XPO4: variants seen among roughly 807,000 people sequenced by gnomAD.
XPO4 encodes exportin-4.
Under a neutral mutation model 143.0 loss-of-function variants are expected in XPO4, and 39 were observed. The ratio of observed to expected loss-of-function variants is 0.27; its 90% CI spans 0.21 to 0.36. The LOEUF is 0.36. XPO4 is among the 10% of genes least tolerant of loss of function. XPO4 has a pLI of 1.00. For synonymous variants in XPO4, 439 were observed against 474.0 expected (o/e 0.93, Z 0.96); for missense variants, 907 against 1,348.0 (o/e 0.67, Z 5.12).
chr13:20,884,035 C>A (rs542896803), intron 1 of XPO4, among the ~76,000 whole-genome samples: 10 of 151,994 alleles, frequency 6.6e-5, no homozygotes, highest in African/African-American at 2.2e-4. Context: ...TGAAGTGCTG[C>A]GATTACAGGC....
Position 20,859,747 on chromosome 13 carries a change from A to G in XPO4, c.317+2970T>C, listed in dbSNP as rs535201755. The G allele has an allele frequency of 7.7e-4, 447 of 581,384 alleles. 1 individual carries two copies. Among genetic ancestry groups the G allele is most frequent in the African/African-American group, 7.5e-3 (372 of 49,422 alleles). 36.0% of individuals were successfully genotyped at this position (581,384 alleles called of 1,614,324 possible). On this transcript the variant is annotated intron_variant, in intron 3 of 22. Coordinates refer to ENST00000255305, the MANE Select transcript of XPO4 (RefSeq NM_022459.5). ...AGCAGAGATCACGCCACTGCACTCC[A>G]GCCTAGCAACAGAGCAAGGCTCTGT...
At chr13:20,873,914 A>G (rs8001074) in intron 1 of XPO4, among the ~76,000 whole-genome samples, 35,271 of 152,162 alleles carry the variant, frequency 0.23, 5,739 homozygotes, top group East Asian at 0.8. Flanking sequence ...CAGAAGGCTA[A>G]ATACTTTACA....
intron 7 of XPO4, among the ~76,000 whole-genome samples, chr13:20,823,444 A>T (rs1359745471): frequency 6.6e-6 from 1 of 152,218 alleles, no homozygotes; most frequent in Non-Finnish European, 1.5e-5. Context: ...TAAACATTAC[A>T]AAGTTAGTTG....
Position 20,781,279 on chromosome 13 carries a change from T to C in XPO4, c.*2443A>G, listed in dbSNP as rs1239360693. ...TTAATAAACACAGCTAAAGACAAAA[T>C]TGGACAAAATAAAACAAAAGAAAAC... On this transcript the variant is annotated 3_prime_UTR_variant, in exon 23 of 23. Coordinates refer to ENST00000255305, the MANE Select transcript of XPO4 (RefSeq NM_022459.5). The C allele has an allele frequency of 6.6e-6, 1 of 152,246 alleles. No homozygotes were observed. The highest frequency in any genetic ancestry group is 2.4e-5 in the African/African-American group (1 of 41,364). The allele number at this position is 152,246 out of a possible 1,614,324, so 9.4% of individuals were successfully genotyped here.
chr13:20,813,570 A>C (rs1445738953), intron 9 of XPO4, among the ~76,000 whole-genome samples: 1 of 152,200 alleles, frequency 6.6e-6, no homozygotes, highest in Non-Finnish European at 1.5e-5. Context: ...ACACTGGTCC[A>C]ATCACTTTCG....
chr13:20,861,068 A>G (rs2060192627), intron 3 of XPO4, among the ~76,000 whole-genome samples: 1 of 152,178 alleles, frequency 6.6e-6, no homozygotes, highest in Non-Finnish European at 1.5e-5. Context: ...TTAAAATTTT[A>G]TGTGTATGTT....
At chr13:20,861,290 T>C (rs2060195365) in intron 3 of XPO4, among the ~76,000 whole-genome samples, 1 of 111,002 alleles carries the variant, frequency 9.0e-6, no homozygotes, top group African/African-American at 3.3e-5. Flanking sequence ...TAGCTGATAG[T>C]TTTCCTCTTT....
intron 1 of XPO4, among the ~76,000 whole-genome samples, chr13:20,874,596 G>C (rs2060333773): frequency 6.6e-6 from 1 of 152,062 alleles, no homozygotes; most frequent in African/African-American, 2.4e-5. Context: ...CTTGCTCATG[G>C]CTCACTTGTC....
At chr13:20,865,139 ATTTT>A (rs35116814) in intron 2 of XPO4, among the ~76,000 whole-genome samples, 4 of 142,390 alleles carry the variant, frequency 2.8e-5, no homozygotes, top group Admixed American at 1.4e-4. Flanking sequence ...TTCATCTAGC[ATTTT>A]TTTTTTTTTT....
chr13:20,887,647 G>T (rs2060473180), intron 1 of XPO4, among the ~76,000 whole-genome samples: 1 of 152,052 alleles, frequency 6.6e-6, no homozygotes, highest in African/African-American at 2.4e-5. Flanking sequence ...TTGAAGTCAG[G>T]AGTTTGAGAC....
chr13:20,808,918 T>C (rs985956952), intron 11 of XPO4, among the ~76,000 whole-genome samples, 165 bp downstream of exon 11: 2 of 152,204 alleles, frequency 1.3e-5, no homozygotes, highest in Non-Finnish European at 2.9e-5. Context: ...GGGCTCCAAA[T>C]GTCTAAGCCA....
intron 18 of XPO4, among the ~76,000 whole-genome samples, chr13:20,795,653 G>T (rs1331633275): frequency 6.6e-6 from 1 of 152,166 alleles, no homozygotes; most frequent in Non-Finnish European, 1.5e-5. Context: ...ACATGGAGAA[G>T]TGATTAGTCA....
At chr13:20,786,560 C>T (rs981242791) in intron 22 of XPO4, among the ~76,000 whole-genome samples, 5 of 152,044 alleles carry the variant, frequency 3.3e-5, no homozygotes, top group African/African-American at 1.2e-4. Flanking sequence ...CTATAATATG[C>T]AATAAAATAC....
At chr13:20,856,059 C>T (rs146772592) in intron 3 of XPO4, among the ~76,000 whole-genome samples, 15 of 152,304 alleles carry the variant, frequency 9.8e-5, no homozygotes, top group African/African-American at 3.6e-4. Context: ...GTTCCTAGAA[C>T]TGTGCCCAGT....
At chr13:20,800,729 A>T (rs2059422591) in intron 14 of XPO4, 102 bp downstream of exon 14, 1 of 1,427,188 alleles carries the variant, frequency 7.0e-7, no homozygotes, top group Non-Finnish European at 9.5e-7. Context: ...AACTGCTCTT[A>T]AACAGTTCTA....
At chr13:20,873,655 CAG>C (rs993292681) in intron 1 of XPO4, among the ~76,000 whole-genome samples, 37 of 152,206 alleles carry the variant, frequency 2.4e-4, no homozygotes, top group African/African-American at 8.9e-4. Flanking sequence ...TTTTTTGAGA[CAG>C]AGTCACTCTG....
chr13:20,847,267 A>G (rs961352725), intron 4 of XPO4, among the ~76,000 whole-genome samples: 8 of 152,340 alleles, frequency 5.3e-5, no homozygotes, highest in Admixed American at 1.3e-4. Flanking sequence ...GGAATTAAAC[A>G]TATCACTAAA....
intron 9 of XPO4, among the ~76,000 whole-genome samples, chr13:20,818,144 T>G: frequency 6.6e-6 from 1 of 152,186 alleles, no homozygotes; most frequent in Non-Finnish European, 1.5e-5. Context: ...ACCTCTTCAG[T>G]TCAGCAATAG....
intron 4 of XPO4, among the ~76,000 whole-genome samples, chr13:20,844,931 G>A (rs2060016007): frequency 6.6e-6 from 1 of 152,188 alleles, no homozygotes; most frequent in African/African-American, 2.4e-5. Context: ...CAACACTTTG[G>A]GAGGCCGAGG....
Sources: allele counts gnomAD v4.1 joint callset (sites outside exome capture counted in the v4.1 genomes callset), GRCh38; gene constraint gnomAD v4.1.1; transcripts MANE v1.5; gene names NCBI Gene and HGNC (gene_info 2026-07-23, HGNC 2026-07-21).